IGF2BP2: variants seen among roughly 807,000 people sequenced by gnomAD.
The protein encoded by IGF2BP2 is insulin-like growth factor 2 mRNA-binding protein 2.
Under a neutral mutation model 75.8 loss-of-function variants are expected in IGF2BP2, and 17 were observed. The observed-to-expected ratio is 0.22, with a 90% confidence interval of 0.15 to 0.34. IGF2BP2 has a LOEUF of 0.34. Ranked by LOEUF, IGF2BP2 falls within the 10% of genes least tolerant of loss-of-function variation. IGF2BP2 has a pLI of 1.00. For synonymous variants in IGF2BP2, 288 were observed against 295.6 expected (o/e 0.97, Z 0.26); for missense variants, 516 against 772.4 (o/e 0.67, Z 3.93).
intron 2 of IGF2BP2, among the ~76,000 whole-genome samples, chr3:185,727,217 CAAA>C (rs11294125): frequency 5.7e-5 from 6 of 106,188 alleles, no homozygotes; most frequent in Non-Finnish European, 8.0e-5. Flanking sequence ...GACTCCGTCT[CAAA>C]AAAAAAAAAA....
At chr3:185,667,608 AATTTTT>A (rs1257109431) in intron 10 of IGF2BP2, among the ~76,000 whole-genome samples, 2 of 152,230 alleles carry the variant, frequency 1.3e-5, no homozygotes, top group African/African-American at 2.4e-5. Context: ...TAACTACCTT[AATTTTT>A]AAGTTTTCTG....
chr3:185,795,614 G>C (rs910201342), intron 2 of IGF2BP2, among the ~76,000 whole-genome samples: 1 of 152,110 alleles, frequency 6.6e-6, no homozygotes, highest in African/African-American at 2.4e-5. Flanking sequence ...AGAAGCAGTG[G>C]GTCAGTCTGT....
intron 2 of IGF2BP2, among the ~76,000 whole-genome samples, chr3:185,811,831 T>C (rs1483105633): frequency 1.1e-4 from 2 of 17,448 alleles, no homozygotes; most frequent in Admixed American, 8.0e-4. Flanking sequence ...GAGTAGGGTG[T>C]CTCTCTCTCT....
In IGF2BP2 at chr3:185,645,882, A is replaced by T. The variant is rs1028526339; in HGVS notation, c.1708-259T>A. ...CAGCTTCCAGTTCACTGCTGGACGG[A>T]CAGGCCAGGAAGCAGAAGCAGGGCG... On this transcript the variant is annotated intron_variant, in intron 15 of 15. Coordinates refer to ENST00000382199, the MANE Select transcript of IGF2BP2 (RefSeq NM_006548.6). This position sits in a 1 kb window ranked among gnomAD's most constrained non-coding sequence, Gnocchi z 4.9. Among the ~76,000 whole-genome samples, 2 of 152,134 alleles carry T rather than the reference A, an allele frequency of 1.3e-5. No homozygotes were observed. The highest frequency in any genetic ancestry group is 4.8e-5 in the African/African-American group (2 of 41,432).
chr3:185,715,171 T>A (rs1045955157), intron 2 of IGF2BP2, among the ~76,000 whole-genome samples: 1 of 152,064 alleles, frequency 6.6e-6, no homozygotes, highest in Non-Finnish European at 1.5e-5. Context: ...AGTGAGAGCA[T>A]AGAGGGGTCG....
chr3:185,698,404 A>G, intron 2 of IGF2BP2, 57 bp from the exon 3 acceptor site: 2 of 1,520,670 alleles, frequency 1.3e-6, no homozygotes, highest in South Asian at 2.3e-5. Flanking sequence ...ACTACAGCAA[A>G]TAATAAAAAC....
At chr3:185,678,649 C>T (rs1302915312) in intron 7 of IGF2BP2, among the ~76,000 whole-genome samples, 1 of 152,140 alleles carries the variant, frequency 6.6e-6, no homozygotes, top group African/African-American at 2.4e-5. Context: ...GTCTGTTGGT[C>T]TATAGTGTTG....
In IGF2BP2 at chr3:185,647,192, G is replaced by A; in HGVS notation, c.1594-54C>T. 1 of 1,292,908 alleles carries A rather than the reference G, an allele frequency of 7.7e-7. No homozygotes were observed. Among genetic ancestry groups the A allele is most frequent in the Non-Finnish European group, 1.1e-6 (1 of 887,462 alleles). The allele number at this position is 1,292,908 out of a possible 1,614,324, so 80.1% of individuals were successfully genotyped here. A position where few individuals can be genotyped will look rare whatever the true frequency, so the allele number is the denominator to read the frequency against. ...GATAGGTTCCCTCCCCGTCAACGTG[G>A]TGGGCTCAGGACGGAGTGAGGGGCC... On this transcript the variant is annotated intron_variant, in intron 14 of 15. Coordinates refer to ENST00000382199, the MANE Select transcript of IGF2BP2 (RefSeq NM_006548.6). The surrounding 1 kb of genome is among the most constrained non-coding windows in gnomAD (Gnocchi z 4.9).
intron 2 of IGF2BP2, among the ~76,000 whole-genome samples, chr3:185,710,562 G>A (rs1003355153): frequency 6.6e-6 from 1 of 151,958 alleles, no homozygotes; most frequent in Non-Finnish European, 1.5e-5. Context: ...GTGAAACCCC[G>A]TCTCTACTAA....
chr3:185,644,308 C>G lies in IGF2BP2; in HGVS notation c.*1223G>C, dbSNP rs1713135045. The G allele has an allele frequency of 6.6e-6, 1 of 152,296 alleles. No homozygotes were observed. The highest frequency in any genetic ancestry group is 2.4e-5 in the African/African-American group (1 of 41,330). 9.4% of individuals were successfully genotyped at this position (152,296 alleles called of 1,614,324 possible). ...AACAACCTTGGTAAATTTCTACTTT[C>G]CTCCACATTTTTTTTTTTTAAAGAA... is the stretch of plus-strand genomic sequence containing the variant. On this transcript the variant is annotated 3_prime_UTR_variant, in exon 16 of 16. Transcript: ENST00000382199.
intron 2 of IGF2BP2, 43 bp downstream of exon 2, chr3:185,823,110 G>GT: frequency 7.3e-7 from 1 of 1,362,498 alleles, no homozygotes; most frequent in East Asian, 2.4e-5. Flanking sequence ...TTACTTATAC[G>GT]TAAGGCCAAT....
chr3:185,770,711 CAA>C (rs1733759026), intron 2 of IGF2BP2, among the ~76,000 whole-genome samples: 1 of 152,154 alleles, frequency 6.6e-6, no homozygotes, highest in African/African-American at 2.4e-5. Flanking sequence ...CAGAGCAGCA[CAA>C]AGAGACTGTA....
At chr3:185,756,091 T>A (rs908262738) in intron 2 of IGF2BP2, among the ~76,000 whole-genome samples, 4 of 152,090 alleles carry the variant, frequency 2.6e-5, no homozygotes, top group African/African-American at 2.4e-5. Context: ...ATCATGGAGG[T>A]GGATCCTTCA....
chr3:185,736,971 C>G (rs1728937276), intron 2 of IGF2BP2, among the ~76,000 whole-genome samples: 1 of 152,206 alleles, frequency 6.6e-6, no homozygotes, highest in Non-Finnish European at 1.5e-5. Context: ...TCCTAAATGT[C>G]TTAGAAGGGC....
chr3:185,672,245 A>G, intron 10 of IGF2BP2, among the ~76,000 whole-genome samples: 1 of 152,186 alleles, frequency 6.6e-6, no homozygotes, highest in East Asian at 1.9e-4. Context: ...ATTTGAGCTA[A>G]CAAGTTCTTT....
intron 9 of IGF2BP2, 136 bp downstream of exon 9, chr3:185,675,160 G>T: frequency 1.2e-6 from 1 of 801,486 alleles, no homozygotes. Flanking sequence ...TTGGTTTCCT[G>T]ATTATTTTAA....
Position 185,797,464 on chromosome 3 carries a change from C to G in IGF2BP2, c.239+25689G>C, listed in dbSNP as rs1359249739. Among the ~76,000 whole-genome samples the G allele has an allele frequency of 1.3e-5, 2 of 152,240 alleles. 1 individual carries two copies. The highest frequency in any genetic ancestry group is 2.9e-5 in the Non-Finnish European group (2 of 68,046). On this transcript the variant is annotated intron_variant, in intron 2 of 15. Transcript: ENST00000382199. ...CATCTGAAGATCCTCTCCTAGAAAGCAGGACTAATGATCTAACAACTAATG... is the reference window on the plus strand; with the variant it reads ...CATCTGAAGATCCTCTCCTAGAAAGGAGGACTAATGATCTAACAACTAATG...
At chr3:185,707,693 A>C (rs1313995029) in intron 2 of IGF2BP2, among the ~76,000 whole-genome samples, 1 of 152,088 alleles carries the variant, frequency 6.6e-6, no homozygotes, top group Non-Finnish European at 1.5e-5. Context: ...AAACATGATA[A>C]TTTTTTGGGA....
intron 2 of IGF2BP2, among the ~76,000 whole-genome samples, chr3:185,801,863 G>A (rs961703847): frequency 6.6e-6 from 1 of 152,038 alleles, no homozygotes; most frequent in African/African-American, 2.4e-5. Context: ...CATATCCTTT[G>A]CAGGGACATG....
Sources: gnomAD v4.1 joint callset for allele counts (sites outside exome capture counted in the v4.1 genomes callset) on GRCh38, gnomAD v4.1.1 for gene constraint, Gnocchi (gnomAD v3.1) non-coding constraint, MANE v1.5 for transcripts, NCBI Gene and HGNC (gene_info 2026-07-23, HGNC 2026-07-21) for gene names.